The following DNAH12 variants were observed in gnomAD, a reference collection of about 807,000 sequenced individuals.
DNAH12 encodes dynein axonemal heavy chain 12.
In DNAH12, 285 loss-of-function variants were observed where a neutral mutation model predicts 371.5. The ratio of observed to expected loss-of-function variants is 0.77; its 90% confidence interval spans 0.70 to 0.85. The LOEUF (loss-of-function observed/expected upper bound fraction) is 0.85, where lower values mean the gene tolerates loss of function less well. Ranked by LOEUF, DNAH12 falls within the 40% of genes least tolerant of loss-of-function variation. DNAH12 has a pLI of 0.00. For synonymous variants in DNAH12, 1,200 were observed against 1,213.0 expected (o/e 0.99, Z 0.22); for missense variants, 3,611 against 3,689.4 (o/e 0.98, Z 0.55).
chr3:57,418,148 C>T (rs1026885998), intron 37 of DNAH12, among the ~76,000 whole-genome samples: 5 of 141,142 alleles, frequency 3.5e-5, no homozygotes, highest in Admixed American at 7.3e-5. Context: ...AGAGCGCAAG[C>T]GACTTGTCTG....
chr3:57,311,466 TA>T (rs1045155536), intron 66 of DNAH12, among the ~76,000 whole-genome samples: 5 of 152,152 alleles, frequency 3.3e-5, no homozygotes, highest in African/African-American at 1.2e-4. Context: ...AAACATTTAA[TA>T]AAAAAAGACG....
Position 57,453,436 on chromosome 3 carries a change from T to C in DNAH12, c.3457-33A>G, listed in dbSNP as rs2065814779. 3 of 1,469,950 alleles carry C rather than the reference T, an allele frequency of 2.0e-6. No homozygotes were observed. The East Asian group carries it at 7.5e-5, about 37-fold the overall frequency. 91.1% of individuals were successfully genotyped at this position (1,469,950 alleles called of 1,614,324 possible). A position where few individuals can be genotyped will look rare whatever the true frequency, so the allele number is the denominator to read the frequency against. On this transcript the variant is annotated intron_variant, in intron 23 of 73. Coordinates refer to ENST00000495027, the MANE Select transcript of DNAH12 (RefSeq NM_001366028.2). ...ATAAAAAAAAAAGCAATCTAATTGA[T>C]GTCACATCATACTTAAAACATGTAT...
intron 39 of DNAH12, among the ~76,000 whole-genome samples, chr3:57,412,429 T>A (rs901933175): frequency 3.9e-5 from 6 of 152,202 alleles, no homozygotes; most frequent in South Asian, 4.1e-4. Flanking sequence ...ACCAACAGAT[T>A]GGTTGAGAAA....
chr3:57,344,184 A>C (rs186309798), intron 60 of DNAH12, among the ~76,000 whole-genome samples: 1 of 152,400 alleles, frequency 6.6e-6, no homozygotes, highest in Non-Finnish European at 1.5e-5. Context: ...AGAAATACCC[A>C]CAGGTGTGGA....
chr3:57,318,480 T>G (rs2061733916), intron 65 of DNAH12, among the ~76,000 whole-genome samples: 1 of 148,766 alleles, frequency 6.7e-6, no homozygotes, highest in South Asian at 2.1e-4. Flanking sequence ...ATGTGTAGAT[T>G]GATTTCTGAG....
Position 57,501,193 on chromosome 3 carries a change from C to A in DNAH12, c.1335+128G>T, listed in dbSNP as rs182653690. The A allele has an allele frequency of 9.0e-5, 63 of 700,964 alleles. No individual in the cohort carries two copies. The African/African-American group carries it at 1.0e-3, about 11-fold the overall frequency. 43.4% of individuals were successfully genotyped at this position (700,964 alleles called of 1,614,324 possible). Reference sequence around the variant, plus strand: ...TGACTAAAGAAATTGTAAGGTAAGACAATGAGTTTTACTGAAATGATATTT... The same window carrying A: ...TGACTAAAGAAATTGTAAGGTAAGAAAATGAGTTTTACTGAAATGATATTT... On this transcript the variant is annotated intron_variant, in intron 11 of 73. Transcript: ENST00000495027.
At position 57,402,434 on chromosome 3, in the gene DNAH12, A is replaced by G. The variant is rs2063899951; in HGVS notation, c.6948+875T>C. 3 of 1,305,024 alleles carry G rather than the reference A, an allele frequency of 2.3e-6. No individual in the cohort carries two copies. The African/African-American group carries it at 4.5e-5, about 20-fold the overall frequency. 80.8% of individuals were successfully genotyped at this position (1,305,024 alleles called of 1,614,324 possible). ...CACCGGGACAGCAATAAAGCTCTAAAGAAACTATTAAGATTACTACTAAGA... is the reference window on the plus strand; with the variant it reads ...CACCGGGACAGCAATAAAGCTCTAAGGAAACTATTAAGATTACTACTAAGA... On this transcript the variant is annotated intron_variant, in intron 43 of 73. Coordinates refer to ENST00000495027, the MANE Select transcript of DNAH12 (RefSeq NM_001366028.2).
intron 65 of DNAH12, among the ~76,000 whole-genome samples, chr3:57,320,855 T>C (rs1410568913): frequency 6.6e-6 from 1 of 152,206 alleles, no homozygotes; most frequent in Non-Finnish European, 1.5e-5. Flanking sequence ...TTTACTTCTC[T>C]TACCCCAGCT....
chr3:57,340,303 GA>G lies in DNAH12; in HGVS notation c.9675-5364del, dbSNP rs1207029055. On this transcript the variant is annotated intron_variant, in intron 60 of 73. Coordinates refer to ENST00000495027, the MANE Select transcript of DNAH12 (RefSeq NM_001366028.2). Reference sequence around the variant, plus strand: ...AAACCAAACTCAAAATTAGAAAAAGGAAAAAAAAATAAAAAGCAGAAATAAA... The same window carrying G: ...AAACCAAACTCAAAATTAGAAAAAGGAAAAAAAATAAAAAGCAGAAATAAA... Among the ~76,000 whole-genome samples, 555 of 144,712 alleles carry G rather than the reference GA, an allele frequency of 3.8e-3. 5 individuals are homozygous for G. The highest frequency in any genetic ancestry group is 0.013 in the African/African-American group (530 of 39,496). 94.9% of individuals were successfully genotyped at this position (144,712 alleles called of 152,430 possible).
At chr3:57,304,486 C>T (rs952910410) in intron 69 of DNAH12, among the ~76,000 whole-genome samples, 7 of 152,156 alleles carry the variant, frequency 4.6e-5, no homozygotes, top group Non-Finnish European at 2.9e-5. Context: ...TCAATCTTGG[C>T]GCCAAACTTC....
intron 14 of DNAH12, among the ~76,000 whole-genome samples, 159 bp downstream of exon 14, chr3:57,472,387 G>A (rs1003231808): frequency 2.6e-5 from 4 of 152,114 alleles, no homozygotes; most frequent in Non-Finnish European, 5.9e-5. Flanking sequence ...CTAACAGCTT[G>A]TCTTAAGCCT....
intron 43 of DNAH12, among the ~76,000 whole-genome samples, chr3:57,401,419 C>A (rs1369743885): frequency 6.7e-6 from 1 of 149,460 alleles, no homozygotes; most frequent in Non-Finnish European, 1.5e-5. Context: ...AAAAAATTAT[C>A]CGGGCATGGC....
chr3:57,503,517 T>C (rs957422289), intron 9 of DNAH12, among the ~76,000 whole-genome samples: 2 of 151,838 alleles, frequency 1.3e-5, no homozygotes, highest in Non-Finnish European at 2.9e-5. Context: ...ACCTCCTGAG[T>C]AGCTGGGAGT....
chr3:57,365,590 T>G (rs1265055758), intron 57 of DNAH12, among the ~76,000 whole-genome samples: 3 of 152,176 alleles, frequency 2.0e-5, no homozygotes, highest in Non-Finnish European at 4.4e-5. Flanking sequence ...CTGCACATCA[T>G]GCACATGTAT....
chr3:57,520,856 T>C (rs1220021781), intron 4 of DNAH12, among the ~76,000 whole-genome samples: 2 of 151,914 alleles, frequency 1.3e-5, no homozygotes, highest in African/African-American at 4.8e-5. Context: ...TTTCTCCCAG[T>C]GTGTAGCTTG....
chr3:57,414,798 T>C (rs941097018), intron 38 of DNAH12, among the ~76,000 whole-genome samples: 27 of 152,196 alleles, frequency 1.8e-4, no homozygotes, highest in Non-Finnish European at 2.9e-5. Context: ...AGTTCTAAAT[T>C]TGTAAGATTT....
intron 36 of DNAH12, among the ~76,000 whole-genome samples, chr3:57,420,635 C>T (rs955602021): frequency 1.5e-5 from 2 of 137,696 alleles, no homozygotes; most frequent in Admixed American, 7.5e-5. Context: ...GTGGGCCGGG[C>T]GCAGTGGCTC....
rs199658265 is a variant in DNAH12 at position 57,518,611 on chromosome 3, TA to T, written c.279+4971del. On this transcript the variant is annotated intron_variant, in intron 4 of 73. Transcript: ENST00000495027. ...CAAGATAAGAGATGAAGCTCTGATC[TA>T]AGGCTAGGACAAGAAAATGACTGTT... 9.4e-4 allele frequency among the ~76,000 whole-genome samples: 143 copies of T among 152,282 alleles called. 3 individuals are homozygous for T. The East Asian group carries it at 0.022, about 23-fold the overall frequency.
At chr3:57,384,375 G>A (rs2063457917) in intron 49 of DNAH12, among the ~76,000 whole-genome samples, 2 of 152,098 alleles carry the variant, frequency 1.3e-5, no homozygotes, top group African/African-American at 4.8e-5. Flanking sequence ...GGAAGCTCAT[G>A]CCTGTAATCC....
Sources: gnomAD v4.1 joint callset for allele counts (sites outside exome capture counted in the v4.1 genomes callset) on GRCh38, gnomAD v4.1.1 for gene constraint, MANE v1.5 for transcripts, NCBI Gene and HGNC (gene_info 2026-07-23, HGNC 2026-07-21) for gene names.